ELK3: variants seen among roughly 807,000 people sequenced by gnomAD.
ELK3 encodes ETS transcription factor ELK3, also known as ETS domain-containing protein Elk-3.
ELK3 carries 10 observed loss-of-function variants against 28.9 expected under a neutral mutation model. The observed-to-expected ratio is 0.35, with a 90% CI of 0.21 to 0.59. ELK3 has a LOEUF of 0.59. Among genes scored for constraint, ELK3 ranks in the 20% least tolerant of loss-of-function variants. ELK3 has a pLI of 0.82. For missense variants in ELK3, 463 were observed against 517.3 expected, an observed-to-expected ratio of 0.90 and a Z score of 1.02; for synonymous variants, 272 against 243.5, an observed-to-expected ratio of 1.12 and a Z score of -1.09.
intron 2 of ELK3, among the ~76,000 whole-genome samples, chr12:96,224,520 T>C (rs546760059): frequency 1.3e-5 from 2 of 152,220 alleles, no homozygotes; most frequent in Non-Finnish European, 1.5e-5. Context: ...ACTTCCCTAA[T>C]TGGAAGAAAA....
At chr12:96,236,650 T>C (rs1328325854) in intron 2 of ELK3, among the ~76,000 whole-genome samples, 4 of 152,178 alleles carry the variant, frequency 2.6e-5, no homozygotes, top group Admixed American at 1.3e-4. Context: ...AGGCTCCACC[T>C]TACCCGGTGC....
intron 2 of ELK3, among the ~76,000 whole-genome samples, chr12:96,239,912 C>T (rs754695183): frequency 1.3e-5 from 2 of 152,252 alleles, no homozygotes; most frequent in Non-Finnish European, 2.9e-5. Context: ...TGACATGTGG[C>T]GTCTCGCCTG....
At chr12:96,262,472 A>G (rs1952000062) in intron 4 of ELK3, among the ~76,000 whole-genome samples, 1 of 152,136 alleles carries the variant, frequency 6.6e-6, no homozygotes. Context: ...TAATTTCACC[A>G]AGTGGACCTG....
At chr12:96,252,563 C>G (rs1444970702) in intron 3 of ELK3, among the ~76,000 whole-genome samples, 1 of 151,812 alleles carries the variant, frequency 6.6e-6, no homozygotes, top group East Asian at 1.9e-4. Flanking sequence ...GAAACTGATT[C>G]CAGCCCTCAT....
chr12:96,234,878 C>CCCTGGGCCCAGACTTGAGT (rs930452800), intron 2 of ELK3, among the ~76,000 whole-genome samples: 2 of 152,176 alleles, frequency 1.3e-5, no homozygotes, highest in African/African-American at 4.8e-5. Flanking sequence ...AGCTCCAGAG[C>CCCTGGGCCCAGACTTGAGT]CCTGGGCCCA....
chr12:96,256,037 T>A lies in ELK3; in HGVS notation c.1003-3694T>A, dbSNP rs186950485. Among the ~76,000 whole-genome samples, 15 of 152,210 alleles carry A rather than the reference T, an allele frequency of 9.9e-5. No homozygotes were observed. In the East Asian group the frequency reaches 2.5e-3, roughly 26 times the overall value. ...GGGCTAAGGAGGACATCACATCCTT[T>A]CTGAAATGGTGACTGAATGTTGAGT... is the stretch of plus-strand genomic sequence containing the variant. On this transcript the variant is annotated intron_variant, in intron 3 of 4. Coordinates refer to ENST00000228741, the MANE Select transcript of ELK3 (RefSeq NM_005230.4).
chr12:96,207,865 A>T (rs1356416676), intron 1 of ELK3, among the ~76,000 whole-genome samples: 1 of 152,262 alleles, frequency 6.6e-6, no homozygotes, highest in East Asian at 1.9e-4. Context: ...ATTATCAGCA[A>T]TTCAAATATG....
intron 1 of ELK3, among the ~76,000 whole-genome samples, chr12:96,223,319 T>C (rs1056622775): frequency 1.3e-5 from 2 of 152,152 alleles, no homozygotes; most frequent in Admixed American, 6.5e-5. Context: ...CGTGGGGACA[T>C]GTGGTGAATA....
chr12:96,264,679 G>A (rs1010453124), intron 4 of ELK3, among the ~76,000 whole-genome samples: 4 of 152,130 alleles, frequency 2.6e-5, no homozygotes, highest in African/African-American at 7.2e-5. Flanking sequence ...CAACTACTAG[G>A]GAGGCTGAGG....
intron 3 of ELK3, among the ~76,000 whole-genome samples, chr12:96,256,440 G>T (rs1951949817): frequency 6.6e-6 from 1 of 152,108 alleles, no homozygotes; most frequent in Non-Finnish European, 1.5e-5. Flanking sequence ...GACAGAAGGG[G>T]AAGAGTCTTA....
intron 2 of ELK3, among the ~76,000 whole-genome samples, chr12:96,236,731 C>A (rs911355372): frequency 2.6e-5 from 4 of 152,188 alleles, no homozygotes; most frequent in Non-Finnish European, 5.9e-5. Flanking sequence ...CTCTGCCTCG[C>A]TGAACAGAGA....
At chr12:96,240,297 CAG>C (rs143849161) in intron 2 of ELK3, among the ~76,000 whole-genome samples, 5,790 of 152,178 alleles carry the variant, frequency 0.038, 180 homozygotes, top group East Asian at 0.1. Flanking sequence ...AGGGCTGACA[CAG>C]GGTGATATTT....
At chr12:96,257,915 A>G (rs151163437) in intron 3 of ELK3, among the ~76,000 whole-genome samples, 228 of 152,354 alleles carry the variant, frequency 1.5e-3, no homozygotes, top group Middle Eastern at 0.01. Context: ...TTACCAATCC[A>G]TTTATTCATT....
At chr12:96,209,930 T>C (rs111984830) in intron 1 of ELK3, among the ~76,000 whole-genome samples, 2 of 152,010 alleles carry the variant, frequency 1.3e-5, no homozygotes, top group African/African-American at 2.4e-5. Context: ...TTTTTTTTTT[T>C]CCTACATTTG....
At chr12:96,256,886 G>A (rs546122436) in intron 3 of ELK3, among the ~76,000 whole-genome samples, 2 of 152,156 alleles carry the variant, frequency 1.3e-5, no homozygotes, top group African/African-American at 2.4e-5. Context: ...TCACCCTGGC[G>A]AGCTCAGATG....
At chr12:96,228,607 C>T (rs1003617001) in intron 2 of ELK3, among the ~76,000 whole-genome samples, 1 of 152,100 alleles carries the variant, frequency 6.6e-6, no homozygotes, top group Non-Finnish European at 1.5e-5. Context: ...TCCTCAGTTG[C>T]TTATTTTCAT....
In ELK3 at chr12:96,215,120, T is replaced by A. The variant is rs73381320; in HGVS notation, c.-2-8445T>A. 3.1e-3 allele frequency among the ~76,000 whole-genome samples: 476 copies of A among 151,772 alleles called. 5 individuals are homozygous for A. The highest frequency in any genetic ancestry group is 0.011 in the African/African-American group (457 of 41,396). ...GCTCTCATTGCCTTTTTTTTTTTTT[T>A]AAGTTGCCTCGTTTCTTATTTCCCA... On this transcript the variant is annotated intron_variant, in intron 1 of 4. Transcript: ENST00000228741.
chr12:96,222,214 C>T (rs976041784), intron 1 of ELK3, among the ~76,000 whole-genome samples: 4 of 152,134 alleles, frequency 2.6e-5, no homozygotes, highest in Non-Finnish European at 2.9e-5. Context: ...TGAAAGTCCT[C>T]AAAGGCCTGA....
intron 3 of ELK3, among the ~76,000 whole-genome samples, chr12:96,251,362 C>G (rs1258383321): frequency 6.6e-6 from 1 of 152,104 alleles, no homozygotes; most frequent in Non-Finnish European, 1.5e-5. Context: ...GTCTCCCTCT[C>G]CTTGGGTCTC....
Sources: gnomAD v4.1 joint callset for allele counts (sites outside exome capture counted in the v4.1 genomes callset) on GRCh38, gnomAD v4.1.1 for gene constraint, MANE v1.5 for transcripts, NCBI Gene and HGNC (gene_info 2026-07-23, HGNC 2026-07-21) for gene names.